The following SPOCK3 variants were observed in gnomAD, a reference collection of about 807,000 sequenced individuals.
SPOCK3 encodes the protein testican-3.
Under a neutral mutation model 56.6 loss-of-function variants are expected in SPOCK3, and 30 were observed. That is an observed-to-expected ratio of 0.53 (90% confidence interval 0.40 to 0.72). The LOEUF (loss-of-function observed/expected upper bound fraction) is 0.72, where lower values mean the gene tolerates loss of function less well. SPOCK3 is among the 30% of genes least tolerant of loss of function. The probability of loss-of-function intolerance (pLI) is 0.00; values close to 1 mark genes in which losing one functional copy is unlikely to be tolerated. For missense variants in SPOCK3, 527 were observed against 530.0 expected (o/e 0.99, Z 0.06); for synonymous variants, 196 against 183.3 (o/e 1.07, Z -0.56).
chr4:166,920,047 A>G (rs1738316279), intron 4 of SPOCK3, among the ~76,000 whole-genome samples: 1 of 152,150 alleles, frequency 6.6e-6, no homozygotes, highest in Non-Finnish European at 1.5e-5. Flanking sequence ...TTGTAAGGCT[A>G]GGAAGAAGTA....
intron 3 of SPOCK3, among the ~76,000 whole-genome samples, chr4:167,060,312 AC>A (rs1755451414): frequency 6.6e-6 from 1 of 151,550 alleles, no homozygotes; most frequent in Admixed American, 6.6e-5. Context: ...AAAAGAAAAA[AC>A]AAACAAAAAA....
chr4:167,209,845 T>A (rs960354401), intron 2 of SPOCK3, among the ~76,000 whole-genome samples: 3 of 152,146 alleles, frequency 2.0e-5, no homozygotes, highest in African/African-American at 7.2e-5. Flanking sequence ...TAATGCAAAG[T>A]AGACATCATG....
At chr4:166,744,242 C>T (rs1200294932) in intron 8 of SPOCK3, among the ~76,000 whole-genome samples, 1 of 152,102 alleles carries the variant, frequency 6.6e-6, no homozygotes, top group Non-Finnish European at 1.5e-5. Flanking sequence ...CCGAGTGCCC[C>T]TCTGAGATGA....
intron 9 of SPOCK3, among the ~76,000 whole-genome samples, chr4:166,738,883 G>T (rs1403780188): frequency 1.3e-5 from 2 of 151,784 alleles, no homozygotes; most frequent in Non-Finnish European, 2.9e-5. Context: ...TGGACATTTG[G>T]GTTGGTTCCA....
In SPOCK3 at chr4:166,987,972, T is replaced by TA. The variant is rs1254111636; in HGVS notation, c.350+12376dup. Among the ~76,000 whole-genome samples, 10 of 152,286 alleles carry TA rather than the reference T, an allele frequency of 6.6e-5. No homozygotes were observed. In the East Asian group the frequency reaches 1.9e-3, roughly 29 times the overall value. On this transcript the variant is annotated intron_variant, in intron 4 of 10. Transcript: ENST00000357545. ...GGAATAATTTTCTCCTCCTATGTTGTAAAAGAAGTGGAATTTTCGTATGCT... is the reference window on the plus strand; with the variant it reads ...GGAATAATTTTCTCCTCCTATGTTGTAAAAAGAAGTGGAATTTTCGTATGCT...
chr4:167,233,970 G>T lies in SPOCK3; in HGVS notation c.189+15C>A. The stretch of plus-strand genomic sequence containing the variant: ...CGCGCGCGTGTGCCCGGGGATGTGG[G>T]TGCGCGGAACTTACGTCTCGGAATT... On this transcript the variant is annotated intron_variant, in intron 2 of 10. Transcript: ENST00000357545. The T allele has an allele frequency of 6.2e-7, 1 of 1,608,188 alleles. No individual in the cohort carries two copies. The highest frequency in any genetic ancestry group is 8.5e-7 in the Non-Finnish European group (1 of 1,175,050).
Position 167,219,880 on chromosome 4 carries a change from T to C in SPOCK3, c.189+14105A>G, listed in dbSNP as rs76157618. 6.9e-3 allele frequency among the ~76,000 whole-genome samples: 1,047 copies of C among 152,288 alleles called. 81 individuals carry two copies. In the East Asian group the frequency reaches 0.15, roughly 22 times the overall value. ...AAAACAGAACCCATGTTCAGTGTTA[T>C]TGTTCATAATATCTTAAATGAAATT... On this transcript the variant is annotated intron_variant, in intron 2 of 10. Coordinates refer to ENST00000357545, the MANE Select transcript of SPOCK3 (RefSeq NM_001040159.2).
intron 3 of SPOCK3, among the ~76,000 whole-genome samples, chr4:167,033,152 G>A (rs1752427369): frequency 6.6e-6 from 1 of 151,740 alleles, no homozygotes; most frequent in Non-Finnish European, 1.5e-5. Flanking sequence ...ACTAAATTAG[G>A]AGTGGGAAAT....
intron 2 of SPOCK3, among the ~76,000 whole-genome samples, chr4:167,128,777 T>C (rs897274027): frequency 6.6e-6 from 1 of 152,164 alleles, no homozygotes; most frequent in African/African-American, 2.4e-5. Flanking sequence ...CCCCTCTACA[T>C]GAAGGAATTT....
chr4:166,866,142 C>A (rs554047034), intron 6 of SPOCK3, among the ~76,000 whole-genome samples: 4 of 152,212 alleles, frequency 2.6e-5, no homozygotes, highest in African/African-American at 9.6e-5. Flanking sequence ...CTACAACCAT[C>A]TGATCTTCAA....
At chr4:167,186,366 G>C (rs766076716) in intron 2 of SPOCK3, among the ~76,000 whole-genome samples, 1 of 152,054 alleles carries the variant, frequency 6.6e-6, no homozygotes, top group African/African-American at 2.4e-5. Flanking sequence ...GGTGTTTCAC[G>C]CCTGTTAATC....
Position 166,953,313 on chromosome 4 carries a change from A to G in SPOCK3, c.351-40570T>C, listed in dbSNP as rs77239207. Reference sequence around the variant, plus strand: ...ACTTCTCAAAAGAAGACATTTATGCAGCCAGAAAACCCATGAAAAAATGCT... The same window carrying G: ...ACTTCTCAAAAGAAGACATTTATGCGGCCAGAAAACCCATGAAAAAATGCT... On this transcript the variant is annotated intron_variant, in intron 4 of 10. Coordinates refer to ENST00000357545, the MANE Select transcript of SPOCK3 (RefSeq NM_001040159.2). Among the ~76,000 whole-genome samples, 148 of 152,354 alleles carry G rather than the reference A, an allele frequency of 9.7e-4. 5 individuals are homozygous for G. In the East Asian group the frequency reaches 0.027, roughly 28 times the overall value.
At chr4:167,112,841 T>TA (rs1761015542) in intron 2 of SPOCK3, among the ~76,000 whole-genome samples, 1 of 15,652 alleles carries the variant, frequency 6.4e-5, no homozygotes, top group East Asian at 4.9e-3. Flanking sequence ...TCAAAAGTGC[T>TA]CTTTTTTAAA....
At chr4:166,782,222 T>A (rs758327698) in intron 7 of SPOCK3, among the ~76,000 whole-genome samples, 6 of 152,190 alleles carry the variant, frequency 3.9e-5, no homozygotes, top group Non-Finnish European at 8.8e-5. Flanking sequence ...TTTACTTGTT[T>A]TTGTACCCAT....
intron 6 of SPOCK3, among the ~76,000 whole-genome samples, chr4:166,844,327 A>G (rs1340516215): frequency 6.6e-6 from 1 of 152,212 alleles, no homozygotes; most frequent in Non-Finnish European, 1.5e-5. Context: ...CAGGAAATTG[A>G]TGTAATACAT....
At chr4:167,075,461 C>G (rs73861935) in intron 2 of SPOCK3, among the ~76,000 whole-genome samples, 3,785 of 151,848 alleles carry the variant, frequency 0.025, 138 homozygotes, top group African/African-American at 0.086. Context: ...AGATGTGTCT[C>G]CCAGACTTGC....
chr4:166,980,449 G>C (rs538402465), intron 4 of SPOCK3, among the ~76,000 whole-genome samples: 9 of 152,336 alleles, frequency 5.9e-5, no homozygotes, highest in African/African-American at 2.2e-4. Context: ...TGAAACCTCT[G>C]TGGCTGGTGG....
At chr4:166,737,380 C>T in intron 10 of SPOCK3, 87 bp downstream of exon 10, 1 of 1,405,326 alleles carries the variant, frequency 7.1e-7, no homozygotes, top group Admixed American at 2.0e-5. Context: ...AGTAAGTCCT[C>T]ATTAAATGCT....
intron 2 of SPOCK3, among the ~76,000 whole-genome samples, chr4:167,076,365 T>C (rs1021393676): frequency 6.6e-6 from 1 of 151,832 alleles, no homozygotes; most frequent in African/African-American, 2.4e-5. Flanking sequence ...GGTAGGGATG[T>C]TGATCATGGG....
Sources: allele counts gnomAD v4.1 joint callset (sites outside exome capture counted in the v4.1 genomes callset), GRCh38; gene constraint gnomAD v4.1.1; transcripts MANE v1.5; gene names NCBI Gene and HGNC (gene_info 2026-07-23, HGNC 2026-07-21).